The following KCNK10 variants were observed in gnomAD, a reference collection of about 807,000 sequenced individuals.
KCNK10 encodes the protein potassium channel subfamily K member 10.
KCNK10 carries 25 observed loss-of-function variants against 47.7 expected under a neutral mutation model. The ratio of observed to expected loss-of-function variants is 0.52; its 90% CI spans 0.38 to 0.73. The LOEUF is 0.73. KCNK10 is among the 30% of genes least tolerant of loss of function. The pLI is 0.00. For synonymous variants in KCNK10, 303 were observed against 285.6 expected (o/e 1.06, Z -0.61); for missense variants, 563 against 714.5 (o/e 0.79, Z 2.42).
intron 4 of KCNK10, among the ~76,000 whole-genome samples, chr14:88,205,710 A>G (rs1885250802): frequency 6.6e-6 from 1 of 151,504 alleles, no homozygotes; most frequent in Non-Finnish European, 1.5e-5. Context: ...ATGCCCAGCT[A>G]ATTTTTGTAT....
At chr14:88,268,966 C>T (rs1285099852) in intron 1 of KCNK10, among the ~76,000 whole-genome samples, 1 of 152,114 alleles carries the variant, frequency 6.6e-6, no homozygotes, top group African/African-American at 2.4e-5. Flanking sequence ...GGTGAAGCCC[C>T]AGCTCTACTA....
chr14:88,202,997 G>A (rs1885150132), intron 4 of KCNK10, among the ~76,000 whole-genome samples: 1 of 152,216 alleles, frequency 6.6e-6, no homozygotes, highest in South Asian at 2.1e-4. Context: ...TGATCAAGAT[G>A]GAAGTGAAAG....
At chr14:88,243,861 A>G (rs547162952) in intron 2 of KCNK10, among the ~76,000 whole-genome samples, 1 of 151,172 alleles carries the variant, frequency 6.6e-6, no homozygotes, top group African/African-American at 2.4e-5. Flanking sequence ...AACTCCATCT[A>G]GTATCCAATT....
chr14:88,284,268 T>C (rs1023697523), intron 1 of KCNK10, among the ~76,000 whole-genome samples: 4 of 152,184 alleles, frequency 2.6e-5, no homozygotes, highest in East Asian at 3.9e-4. Context: ...CCCTGTCACA[T>C]TGAGCATGCA....
chr14:88,322,636 C>T lies in KCNK10; in HGVS notation c.52+111G>A. 6.8e-7 allele frequency: 1 copy of T among 1,476,152 alleles called. No individual in the cohort carries two copies. Among genetic ancestry groups the T allele is most frequent in the Non-Finnish European group, 9.4e-7 (1 of 1,064,066 alleles). The allele number at this position is 1,476,152 out of a possible 1,614,324, so 91.4% of individuals were successfully genotyped here. On this transcript the variant is annotated intron_variant, in intron 1 of 6. Coordinates refer to ENST00000319231, the MANE Select transcript of KCNK10 (RefSeq NM_138317.3). This position sits in a 1 kb window ranked among gnomAD's most constrained non-coding sequence, Gnocchi z 4.8. ...CGCGCTGCAGTTCCCAGGCGCATTT[C>T]CCAGCCTCAGGACACACGCTGCCAG...
In KCNK10 at chr14:88,185,588, C is replaced by T; in HGVS notation, c.1579G>A (p.Asp527Asn). Residue 527 changes from aspartate (D) to asparagine (N), a missense_variant, in exon 7 of 7, where the codon GAC (aspartate) becomes AAC (asparagine). Transcript: ENST00000319231. This position sits in a 1 kb window ranked among gnomAD's most constrained non-coding sequence, Gnocchi z 4.3. The stretch of plus-strand genomic sequence containing the variant: ...TTCTCCGGCTCCCGGTCTTTGGTGT[C>T]CGTGGGTATCATTCCGTTCTCCAAC... ...AELENGMIPT[D>N]TKDREPENNS... 1 of 1,614,106 alleles carries T rather than the reference C, an allele frequency of 6.2e-7. No homozygotes were observed. Among genetic ancestry groups the T allele is most frequent in the African/African-American group, 1.3e-5 (1 of 75,014 alleles).
chr14:88,290,721 G>A (rs553276342), intron 1 of KCNK10, among the ~76,000 whole-genome samples: 44 of 152,302 alleles, frequency 2.9e-4, no homozygotes, highest in African/African-American at 1.0e-3. Context: ...ATTTACAGAT[G>A]AAAACCTTTT....
chr14:88,252,804 G>A (rs767491348), intron 2 of KCNK10, among the ~76,000 whole-genome samples: 1 of 152,200 alleles, frequency 6.6e-6, no homozygotes, highest in Non-Finnish European at 1.5e-5. Flanking sequence ...CTCTCTGTAT[G>A]TCAGAAAGGT....
chr14:88,268,205 A>C (rs1255498150), intron 1 of KCNK10, among the ~76,000 whole-genome samples: 1 of 152,210 alleles, frequency 6.6e-6, no homozygotes, highest in Non-Finnish European at 1.5e-5. Flanking sequence ...TCTTGAGCTG[A>C]AGTTAGCTGT....
At chr14:88,187,927 T>C (rs766619733) in intron 6 of KCNK10, 40 bp downstream of exon 6, 7 of 1,600,808 alleles carry the variant, frequency 4.4e-6, no homozygotes, top group Non-Finnish European at 6.0e-6. Context: ...CAAGCTCATC[T>C]GTTCTCAGGA....
At chr14:88,245,199 A>G (rs765056274) in intron 2 of KCNK10, among the ~76,000 whole-genome samples, 3 of 152,226 alleles carry the variant, frequency 2.0e-5, no homozygotes, top group Admixed American at 6.5e-5. Flanking sequence ...CTAAAATTAG[A>G]CAAACACAAA....
chr14:88,322,833 AACCC>A lies in KCNK10; in HGVS notation c.-39_-36del. 4 of 1,614,140 alleles carry A rather than the reference AACCC, an allele frequency of 2.5e-6. No homozygotes were observed. Among genetic ancestry groups the A allele is most frequent in the Non-Finnish European group, 3.4e-6 (4 of 1,179,972 alleles). On this transcript the variant is annotated 5_prime_UTR_variant, in exon 1 of 7. Coordinates refer to ENST00000319231, the MANE Select transcript of KCNK10 (RefSeq NM_138317.3). The surrounding 1 kb of genome is among the most constrained non-coding windows in gnomAD (Gnocchi z 4.8). ...GCCCAGAAGGGGAAGAAATGAAAAGAACCCAAATAATAATAAAGTCCTCAAGCTT... is the reference window on the plus strand; with the variant it reads ...GCCCAGAAGGGGAAGAAATGAAAAGAAAATAATAATAAAGTCCTCAAGCTT...
intron 4 of KCNK10, among the ~76,000 whole-genome samples, chr14:88,209,938 A>C (rs548408486): frequency 3.3e-5 from 5 of 152,330 alleles, no homozygotes; most frequent in African/African-American, 1.2e-4. Flanking sequence ...TTAAGCCCCT[A>C]TGCTTTACTT....
chr14:88,292,443 G>A (rs939397623), intron 1 of KCNK10, among the ~76,000 whole-genome samples: 10 of 151,046 alleles, frequency 6.6e-5, no homozygotes, highest in African/African-American at 1.7e-4. Context: ...TCTGCCTCCC[G>A]GGTTCAAGCG....
chr14:88,219,559 A>G (rs1277528672), intron 4 of KCNK10, among the ~76,000 whole-genome samples: 2 of 152,210 alleles, frequency 1.3e-5, no homozygotes, highest in East Asian at 1.9e-4. Flanking sequence ...GACAAGGAAG[A>G]GTGAAGACAT....
chr14:88,240,681 A>G, intron 3 of KCNK10, 22 bp downstream of exon 3: 1 of 1,454,474 alleles, frequency 6.9e-7, no homozygotes, highest in Non-Finnish European at 9.7e-7. Context: ...AGAGGAAGAG[A>G]TATTAGCAAA....
intron 4 of KCNK10, among the ~76,000 whole-genome samples, chr14:88,207,524 G>A (rs1595080994): frequency 6.6e-6 from 1 of 152,148 alleles, no homozygotes; most frequent in South Asian, 2.1e-4. Context: ...AGGATTAGGA[G>A]AGTAGGAGGG....
At chr14:88,208,607 A>C (rs1885358524) in intron 4 of KCNK10, among the ~76,000 whole-genome samples, 1 of 152,216 alleles carries the variant, frequency 6.6e-6, no homozygotes, top group Non-Finnish European at 1.5e-5. Flanking sequence ...CTGCATTTTA[A>C]ATGTTGATAC....
chr14:88,304,741 C>T (rs1378487410), intron 1 of KCNK10, among the ~76,000 whole-genome samples: 5 of 152,120 alleles, frequency 3.3e-5, no homozygotes, highest in East Asian at 1.9e-4. Flanking sequence ...GTGCAAGATG[C>T]GAGGTGCCTT....
Sources: gnomAD v4.1 joint callset for allele counts (sites outside exome capture counted in the v4.1 genomes callset) on GRCh38, gnomAD v4.1.1 for gene constraint, Gnocchi (gnomAD v3.1) non-coding constraint, MANE v1.5 for transcripts, NCBI Gene and HGNC (gene_info 2026-07-23, HGNC 2026-07-21) for gene names.